Variants in LUC7L observed in about 807,000 individuals in gnomAD.
LUC7L encodes putative RNA-binding protein Luc7-like 1.
Under a neutral mutation model 51.1 loss-of-function variants are expected in LUC7L, and 29 were observed. The observed-to-expected ratio is 0.57, with a 90% confidence interval of 0.42 to 0.77. LUC7L has a LOEUF of 0.77. Among genes scored for constraint, LUC7L ranks in the 30% least tolerant of loss-of-function variants. The probability of loss-of-function intolerance (pLI) is 0.00; values close to 1 mark genes in which losing one functional copy is unlikely to be tolerated. For synonymous variants in LUC7L, 181 were observed against 180.7 expected (o/e 1.00, Z -0.01); for missense variants, 403 against 511.9 (o/e 0.79, Z 2.05).
At chr16:208,034 G>C in intron 4 of LUC7L, 44 bp downstream of exon 4, 2 of 1,371,722 alleles carry the variant, frequency 1.5e-6, no homozygotes, top group Non-Finnish European at 2.0e-6. Flanking sequence ...TGACAAGCCA[G>C]TATTTTTAAG....
intron 6 of LUC7L, among the ~76,000 whole-genome samples, chr16:193,737 C>A (rs2049074142): frequency 6.6e-6 from 1 of 151,888 alleles, no homozygotes; most frequent in South Asian, 2.1e-4. Flanking sequence ...TTGTGATATG[C>A]CTGCCTCGGC....
At chr16:212,228 G>C (rs2049664376) in intron 3 of LUC7L, among the ~76,000 whole-genome samples, 2 of 152,162 alleles carry the variant, frequency 1.3e-5, no homozygotes, top group Non-Finnish European at 2.9e-5. Context: ...GGGAGGCGGA[G>C]GTTGCAGTGA....
chr16:228,828 A>C, intron 1 of LUC7L: 1 of 1,293,442 alleles, frequency 7.7e-7, no homozygotes, highest in Non-Finnish European at 1.0e-6. Context: ...TTGCAATGGT[A>C]CAGAACCAGA....
rs1281436884 is a variant in LUC7L at position 190,016 on chromosome 16, T to C, written c.926A>G (p.His309Arg). The change falls in exon 9 of 10, where the codon CAC becomes CGC. Residue 309 changes from histidine to arginine, a missense_variant. His to Arg is a conservative substitution (Grantham distance 29). This residue lies in a region of LUC7L where 206 missense variants were observed against 218.3 expected (regional missense o/e 0.94). Coordinates refer to ENST00000293872, the MANE Select transcript of LUC7L (RefSeq NM_201412.3). ...GGAAGCCCGACGATGTCCCCGGCTG[T>C]GGCTCCGGGAACGGCTGCGGTGGCG... ...HRRHRSRSRS[H>R]SRGHRRASRD... 2.3e-5 allele frequency: 37 copies of C among 1,614,072 alleles called. No homozygotes were observed. The highest frequency in any genetic ancestry group is 3.1e-5 in the Non-Finnish European group (37 of 1,180,000).
intron 2 of LUC7L, among the ~76,000 whole-genome samples, chr16:226,907 T>G (rs1186946846): frequency 2.0e-5 from 3 of 152,192 alleles, no homozygotes; most frequent in African/African-American, 7.2e-5. Flanking sequence ...GATTTCTGCC[T>G]GTTGAAGAGT....
At chr16:214,757 C>G (rs1453459817) in intron 3 of LUC7L, among the ~76,000 whole-genome samples, 1 of 152,138 alleles carries the variant, frequency 6.6e-6, no homozygotes, top group Non-Finnish European at 1.5e-5. Context: ...TCCAACTGGG[C>G]TCATGCGACC....
At chr16:225,873 G>T (rs2050118796) in intron 2 of LUC7L, among the ~76,000 whole-genome samples, 1 of 152,086 alleles carries the variant, frequency 6.6e-6, no homozygotes, top group African/African-American at 2.4e-5. Flanking sequence ...GTATTCTGCA[G>T]CTATGCTACA....
At chr16:200,450 C>A (rs1045720003) in intron 5 of LUC7L, among the ~76,000 whole-genome samples, 1 of 150,176 alleles carries the variant, frequency 6.7e-6, no homozygotes, top group East Asian at 1.9e-4. Flanking sequence ...TGGTGGCAGG[C>A]ATCTGTAATT....
intron 3 of LUC7L, among the ~76,000 whole-genome samples, chr16:219,190 A>G (rs1596669903): frequency 6.6e-6 from 1 of 152,060 alleles, no homozygotes; most frequent in South Asian, 2.1e-4. Context: ...GGAGATCGAG[A>G]CCAGCCTGGC....
intron 3 of LUC7L, among the ~76,000 whole-genome samples, chr16:214,910 C>G (rs1479074055): frequency 6.6e-6 from 1 of 152,140 alleles, no homozygotes; most frequent in African/African-American, 2.4e-5. Flanking sequence ...AGTCACAAGG[C>G]AGAGATACTT....
chr16:198,963 A>G (rs1341367635), intron 6 of LUC7L, 99 bp downstream of exon 6: 2 of 1,233,734 alleles, frequency 1.6e-6, no homozygotes, highest in Non-Finnish European at 2.2e-6. Context: ...TATAGGCATC[A>G]GCCACCACGC....
At chr16:194,576 G>A (rs1460162234) in intron 6 of LUC7L, among the ~76,000 whole-genome samples, 1 of 152,198 alleles carries the variant, frequency 6.6e-6, no homozygotes, top group East Asian at 1.9e-4. Flanking sequence ...TTGCTACTGG[G>A]AGCAGAATCC....
chr16:213,536 A>G (rs975124855), intron 3 of LUC7L, among the ~76,000 whole-genome samples: 3 of 152,030 alleles, frequency 2.0e-5, no homozygotes, highest in Non-Finnish European at 4.4e-5. Context: ...AGTACCTGGG[A>G]TTGCAGGTGC....
At chr16:223,569 T>C (rs554176442) in intron 2 of LUC7L, among the ~76,000 whole-genome samples, 16 of 152,270 alleles carry the variant, frequency 1.1e-4, no homozygotes, top group African/African-American at 3.4e-4. Context: ...GTCGGTTACA[T>C]AGAAGACTTA....
At chr16:195,349 G>C (rs1242203678) in intron 6 of LUC7L, among the ~76,000 whole-genome samples, 1 of 151,878 alleles carries the variant, frequency 6.6e-6, no homozygotes, top group Non-Finnish European at 1.5e-5. Context: ...GAGTCCAGGA[G>C]TTCCAGGTTA....
intron 2 of LUC7L, among the ~76,000 whole-genome samples, chr16:221,178 C>G (rs2049955557): frequency 1.3e-5 from 2 of 149,284 alleles, no homozygotes; most frequent in African/African-American, 4.9e-5. Flanking sequence ...TGATACCACA[C>G]CCAGCTAATT....
intron 3 of LUC7L, among the ~76,000 whole-genome samples, chr16:215,834 G>A (rs2049780574): frequency 6.6e-6 from 1 of 151,926 alleles, no homozygotes; most frequent in African/African-American, 2.4e-5. Context: ...TGTCTTGACA[G>A]ATCACTCTCC....
At chr16:222,771 C>T (rs1223372921) in intron 2 of LUC7L, among the ~76,000 whole-genome samples, 1 of 151,438 alleles carries the variant, frequency 6.6e-6, no homozygotes, top group Non-Finnish European at 1.5e-5. Context: ...GCTGGAATTA[C>T]AGACATGTGC....
chr16:225,896 A>G (rs186986765), intron 2 of LUC7L, among the ~76,000 whole-genome samples: 1 of 152,162 alleles, frequency 6.6e-6, no homozygotes, highest in Non-Finnish European at 1.5e-5. Context: ...GGGTCTGGCC[A>G]AGGAAAACAT....
Sources: allele counts gnomAD v4.1 joint callset (sites outside exome capture counted in the v4.1 genomes callset), GRCh38; gene constraint gnomAD v4.1.1; regional missense constraint gnomAD v4.1.1; transcripts MANE v1.5; gene names NCBI Gene and HGNC (gene_info 2026-07-23, HGNC 2026-07-21).